KLF12: variants seen among roughly 807,000 people sequenced by gnomAD.
The protein encoded by KLF12 is Krueppel-like factor 12.
Under a neutral mutation model 37.8 loss-of-function variants are expected in KLF12, and 9 were observed. The ratio of observed to expected loss-of-function variants is 0.24; its 90% CI spans 0.14 to 0.42. The LOEUF is 0.42. Among genes scored for constraint, KLF12 ranks in the 10% least tolerant of loss-of-function variants. KLF12 has a pLI of 1.00. For synonymous variants in KLF12, 208 were observed against 202.1 expected, an observed-to-expected ratio of 1.03 and a Z score of -0.25; for missense variants, 411 against 516.0, an observed-to-expected ratio of 0.80 and a Z score of 1.97.
At chr13:73,826,042 G>A (rs774594783) in intron 4 of KLF12, among the ~76,000 whole-genome samples, 7 of 151,748 alleles carry the variant, frequency 4.6e-5, no homozygotes, top group African/African-American at 7.3e-5. Context: ...GGACGATCTC[G>A]GCTCACTGCA....
intron 4 of KLF12, among the ~76,000 whole-genome samples, chr13:73,842,413 T>C (rs1438494906): frequency 6.6e-6 from 1 of 152,250 alleles, no homozygotes; most frequent in African/African-American, 2.4e-5. Flanking sequence ...CTCATTAGAC[T>C]GTAAGCACTA....
intron 3 of KLF12, among the ~76,000 whole-genome samples, chr13:73,920,130 A>G (rs545583339): frequency 2.0e-5 from 3 of 152,174 alleles, no homozygotes; most frequent in Admixed American, 6.5e-5. Context: ...CAGTGCCAAT[A>G]CTATGAGATG....
At chr13:74,136,398 C>CAACT (rs1215898127), upstream of KLF12, among the ~76,000 whole-genome samples, 1 of 152,186 alleles carries the variant, frequency 6.6e-6, no homozygotes, top group Non-Finnish European at 1.5e-5. Flanking sequence ...AGAATATCAA[C>CAACT]AACTGCGCAG....
the KLF12 span, among the ~76,000 whole-genome samples, chr13:74,159,975 C>CTG: frequency 7.2e-6 from 1 of 139,720 alleles, no homozygotes; most frequent in Non-Finnish European, 1.5e-5. Flanking sequence ...ACACTCCAGC[C>CTG]TGTGTGACAG....
the KLF12 span, among the ~76,000 whole-genome samples, chr13:74,156,318 C>G: frequency 2.0e-5 from 3 of 152,174 alleles, no homozygotes; most frequent in Middle Eastern, 6.8e-3. Flanking sequence ...CATTGGATTC[C>G]TCTCTTATCT....
the KLF12 span, among the ~76,000 whole-genome samples, chr13:74,223,160 G>T: frequency 2.0e-5 from 3 of 152,332 alleles, no homozygotes; most frequent in East Asian, 3.9e-4. Flanking sequence ...GTTCTGGATG[G>T]AAAACGGGGA....
chr13:73,929,307 A>G (rs1325292988), intron 3 of KLF12, among the ~76,000 whole-genome samples: 3 of 152,184 alleles, frequency 2.0e-5, no homozygotes, highest in Non-Finnish European at 4.4e-5. Flanking sequence ...AAGAAATATT[A>G]CATATATTAA....
intron 1 of KLF12, among the ~76,000 whole-genome samples, chr13:74,024,458 A>AGC (rs1892920595): frequency 6.6e-6 from 1 of 152,202 alleles, no homozygotes; most frequent in African/African-American, 2.4e-5. Context: ...CATGCTCAAG[A>AGC]ACTTATTTTT....
At chr13:73,994,317 A>G (rs1377011754) in intron 2 of KLF12, among the ~76,000 whole-genome samples, 1 of 152,166 alleles carries the variant, frequency 6.6e-6, no homozygotes, top group Non-Finnish European at 1.5e-5. Flanking sequence ...GTAAAACCCT[A>G]CTTACGAAAT....
At chr13:73,713,294 G>A (rs576153770) in intron 7 of KLF12, among the ~76,000 whole-genome samples, 5 of 152,266 alleles carry the variant, frequency 3.3e-5, no homozygotes, top group Non-Finnish European at 7.3e-5. Context: ...TGTAAGAGAG[G>A]AGAACTCTGT....
intron 4 of KLF12, among the ~76,000 whole-genome samples, chr13:73,816,236 T>A (rs952589760): frequency 6.6e-6 from 1 of 152,222 alleles, no homozygotes; most frequent in African/African-American, 2.4e-5. Context: ...TCTTTGAGCA[T>A]CTCAGCCCAT....
intron 5 of KLF12, among the ~76,000 whole-genome samples, chr13:73,805,678 A>T (rs867196196): frequency 2.6e-5 from 3 of 117,060 alleles, no homozygotes; most frequent in African/African-American, 1.1e-4. Context: ...GGAAGGAAGG[A>T]AGGAAGGAAG....
chr13:73,797,899 A>G (rs749216931), intron 5 of KLF12, among the ~76,000 whole-genome samples: 5 of 152,130 alleles, frequency 3.3e-5, no homozygotes, highest in Admixed American at 6.6e-5. Context: ...CATCTGAACT[A>G]CTTCAATAAC....
At chr13:74,100,656 C>A (rs1373938351) in intron 1 of KLF12, among the ~76,000 whole-genome samples, 1 of 151,622 alleles carries the variant, frequency 6.6e-6, no homozygotes, top group Non-Finnish European at 1.5e-5. Flanking sequence ...GATATAAACA[C>A]CTCAAATATA....
At chr13:73,976,374 T>A (rs997867926) in intron 2 of KLF12, among the ~76,000 whole-genome samples, 5 of 152,104 alleles carry the variant, frequency 3.3e-5, no homozygotes, top group Non-Finnish European at 7.4e-5. Context: ...AAGATAGAAA[T>A]TGAAGTTTCA....
chr13:74,045,656 C>T (rs1468610430), intron 1 of KLF12, among the ~76,000 whole-genome samples: 2 of 152,142 alleles, frequency 1.3e-5, no homozygotes, highest in Admixed American at 6.5e-5. Context: ...GATCCCCAGC[C>T]CAAGCCACTG....
chr13:74,217,689 C>T, the KLF12 span, among the ~76,000 whole-genome samples: 4 of 152,022 alleles, frequency 2.6e-5, no homozygotes, highest in African/African-American at 9.7e-5. Context: ...ATTGCGCCAC[C>T]GCACTCCAGC....
intron 1 of KLF12, among the ~76,000 whole-genome samples, chr13:74,040,581 T>G (rs984646361): frequency 6.6e-6 from 1 of 152,228 alleles, no homozygotes; most frequent in Non-Finnish European, 1.5e-5. Context: ...TTTTCCATTT[T>G]CAAACAACTT....
At chr13:74,026,252 G>T (rs1335467201) in intron 1 of KLF12, among the ~76,000 whole-genome samples, 1 of 151,636 alleles carries the variant, frequency 6.6e-6, no homozygotes, top group African/African-American at 2.4e-5. Flanking sequence ...AAATAAAGAG[G>T]GATGGAAGAG....
Sources: gnomAD v4.1 joint callset for allele counts (sites outside exome capture counted in the v4.1 genomes callset) on GRCh38, gnomAD v4.1.1 for gene constraint, MANE v1.5 for transcripts, NCBI Gene and HGNC (gene_info 2026-07-23, HGNC 2026-07-21) for gene names.